Variants in THRB observed in about 807,000 individuals in gnomAD.
THRB encodes the protein thyroid hormone receptor beta.
THRB carries 12 observed loss-of-function variants against 47.8 expected under a neutral mutation model. That is an observed-to-expected ratio of 0.25 (90% CI 0.16 to 0.41). The LOEUF (loss-of-function observed/expected upper bound fraction) is 0.41, where lower values mean the gene tolerates loss of function less well. Among genes scored for constraint, THRB ranks in the 10% least tolerant of loss-of-function variants. The pLI is 1.00. For synonymous variants in THRB, 218 were observed against 212.2 expected (o/e 1.03, Z -0.24); for missense variants, 348 against 589.2 (o/e 0.59, Z 4.24).
At chr3:24,248,233 C>A (rs2050305882) in intron 3 of THRB, among the ~76,000 whole-genome samples, 1 of 152,012 alleles carries the variant, frequency 6.6e-6, no homozygotes, top group African/African-American at 2.4e-5. Context: ...AAATGAACTG[C>A]CCTTGAACCC....
chr3:24,300,153 C>T (rs1165881290), intron 2 of THRB, among the ~76,000 whole-genome samples: 1 of 152,152 alleles, frequency 6.6e-6, no homozygotes, highest in African/African-American at 2.4e-5. Context: ...ACCTCCTCAC[C>T]TGAGGCTGAG....
intron 1 of THRB, among the ~76,000 whole-genome samples, chr3:24,473,738 A>G (rs1387689795): frequency 6.6e-6 from 1 of 151,628 alleles, no homozygotes; most frequent in African/African-American, 2.4e-5. Flanking sequence ...GCACATATAC[A>G]CCACATATAC....
chr3:24,378,887 A>T lies in THRB; in HGVS notation c.-260-41516T>A, dbSNP rs545568450. Among the ~76,000 whole-genome samples the T allele has an allele frequency of 5.3e-5, 8 of 152,290 alleles. No individual in the cohort carries two copies. The East Asian group carries it at 1.5e-3, about 29-fold the overall frequency. On this transcript the variant is annotated intron_variant, in intron 1 of 10. Transcript: ENST00000646209. Reference sequence around the variant, plus strand: ...TATATATAAGCATAAAGAAAACAAAATATTCCAAAATCCAGCAACTCAAAT... The same window carrying T: ...TATATATAAGCATAAAGAAAACAAATTATTCCAAAATCCAGCAACTCAAAT...
In THRB at chr3:24,119,304, G is replaced by C. The variant is rs1236943296; in HGVS notation, c.*3580C>G. On this transcript the variant is annotated 3_prime_UTR_variant, in exon 11 of 11. Transcript: ENST00000646209. ...TCGATCATCACTCTCCATTTGAGGA[G>C]GAACTGTGGCTTGGTTATTCACTTA... 6.6e-6 allele frequency: 1 copy of C among 152,178 alleles called. No homozygotes were observed. Among genetic ancestry groups the C allele is most frequent in the African/African-American group, 2.4e-5 (1 of 41,416 alleles). The allele number at this position is 152,178 out of a possible 1,614,324, so 9.4% of individuals were successfully genotyped here.
At chr3:24,220,026 A>G (rs1244336414) in intron 4 of THRB, among the ~76,000 whole-genome samples, 1 of 152,190 alleles carries the variant, frequency 6.6e-6, no homozygotes, top group Non-Finnish European at 1.5e-5. Flanking sequence ...GTATTTTTTA[A>G]CAGATCTCCA....
chr3:24,346,918 A>G (rs938156089), intron 1 of THRB, among the ~76,000 whole-genome samples: 13 of 152,028 alleles, frequency 8.6e-5, no homozygotes, highest in African/African-American at 3.1e-4. Flanking sequence ...TGATGAACAC[A>G]TTTGACCTAA....
chr3:24,326,104 A>C (rs543525121), intron 2 of THRB, among the ~76,000 whole-genome samples: 293 of 152,350 alleles, frequency 1.9e-3, no homozygotes, highest in African/African-American at 6.8e-3. Flanking sequence ...TATCTTGAAT[A>C]TGTGATATCT....
chr3:24,198,136 T>A (rs2044172191), intron 4 of THRB, among the ~76,000 whole-genome samples: 1 of 152,200 alleles, frequency 6.6e-6, no homozygotes, highest in Non-Finnish European at 1.5e-5. Flanking sequence ...CTGCAGTGCC[T>A]GCTCGCTTCC....
At position 24,493,637 on chromosome 3, in the gene THRB, G is replaced by T. The variant is rs535612832; in HGVS notation, c.-261+1015C>A. Among the ~76,000 whole-genome samples the T allele has an allele frequency of 4.6e-5, 7 of 152,300 alleles. No individual in the cohort carries two copies. In the East Asian group the frequency reaches 1.2e-3, roughly 25 times the overall value. ...ATTTATGTGGACAAAGGAGAATGGA[G>T]AATCTGAACTTGGCTGTTCATGCAA... On this transcript the variant is annotated intron_variant, in intron 1 of 10. Transcript: ENST00000646209.
intron 3 of THRB, among the ~76,000 whole-genome samples, chr3:24,288,647 C>G (rs1431812917): frequency 1.3e-5 from 2 of 152,178 alleles, no homozygotes; most frequent in African/African-American, 4.8e-5. Context: ...TATAAGCAAG[C>G]CTGTGATTGA....
intron 3 of THRB, among the ~76,000 whole-genome samples, chr3:24,259,502 G>A (rs2051698101): frequency 2.0e-5 from 3 of 152,048 alleles, no homozygotes; most frequent in South Asian, 4.1e-4. Context: ...TAAGACTCCT[G>A]GGAGCATACG....
intron 1 of THRB, among the ~76,000 whole-genome samples, chr3:24,351,357 G>T (rs531965045): frequency 6.6e-6 from 1 of 152,026 alleles, no homozygotes; most frequent in African/African-American, 2.4e-5. Context: ...TTCTGTTCTT[G>T]CCTTCACATC....
At chr3:24,479,845 C>G (rs1309554734) in intron 1 of THRB, among the ~76,000 whole-genome samples, 1 of 152,190 alleles carries the variant, frequency 6.6e-6, no homozygotes, top group Non-Finnish European at 1.5e-5. Context: ...CTGCCAACAC[C>G]TGCATTCCTT....
intron 1 of THRB, among the ~76,000 whole-genome samples, chr3:24,439,391 T>C (rs11711197): frequency 0.87 from 132,910 of 152,130 alleles, 59,485 homozygotes; most frequent in Non-Finnish European, 0.97. Flanking sequence ...TGGTCTAATT[T>C]AGAGCCGGAC....
At chr3:24,408,960 T>A (rs931267440) in intron 1 of THRB, among the ~76,000 whole-genome samples, 1 of 151,384 alleles carries the variant, frequency 6.6e-6, no homozygotes, top group Non-Finnish European at 1.5e-5. Context: ...CAAATGAGAT[T>A]TTGATGGTGG....
At chr3:24,384,978 C>T (rs879431407) in intron 1 of THRB, among the ~76,000 whole-genome samples, 3 of 152,074 alleles carry the variant, frequency 2.0e-5, no homozygotes, top group African/African-American at 7.2e-5. Flanking sequence ...TTGTGCACTG[C>T]ATGAATATAC....
rs140041142 is a variant in THRB, at chr3:24,146,736, C to T, written c.471G>A (p.Thr157=). 19 of 1,614,104 alleles carry T rather than the reference C, an allele frequency of 1.2e-5. No homozygotes were observed. The highest frequency in any genetic ancestry group is 2.2e-5 in the South Asian group (2 of 91,078). The change falls in exon 7 of 11, where the codon ACG becomes ACA. Residue 157 remains threonine (T), a synonymous_variant. Coordinates refer to ENST00000646209, the MANE Select transcript of THRB (RefSeq NM_001354712.2). ...AGCGACATTCCTGGCACTGATTTCG[C>T]GTGACTTTGTCTATGACACATTTTC... ...YEGKCVIDKV[T]RNQCQECRFK...
intron 1 of THRB, among the ~76,000 whole-genome samples, chr3:24,426,903 A>G (rs1189523029): frequency 1.3e-5 from 2 of 152,006 alleles, no homozygotes; most frequent in African/African-American, 4.8e-5. Context: ...CAGTGCCCAA[A>G]ATACAAATCA....
rs554768775 is a variant in THRB, at chr3:24,137,796, CG to C, written c.739-4335del. Among the ~76,000 whole-genome samples the C allele has an allele frequency of 2.5e-4, 38 of 152,104 alleles. 1 individual carries two copies. The South Asian group carries it at 7.9e-3, about 32-fold the overall frequency. ...ATGGTTACTGCATGGAGAAGATATG[CG>C]GGGAGTCAAAGGAAAAAACAGGCAG... On this transcript the variant is annotated intron_variant, in intron 8 of 10. Transcript: ENST00000646209.
Sources: gnomAD v4.1 joint callset for allele counts (sites outside exome capture counted in the v4.1 genomes callset) on GRCh38, gnomAD v4.1.1 for gene constraint, MANE v1.5 for transcripts, NCBI Gene and HGNC (gene_info 2026-07-23, HGNC 2026-07-21) for gene names.